Variants in GAR1 observed in about 807,000 individuals in gnomAD.
GAR1 encodes the protein GAR1 ribonucleoprotein.
GAR1 carries 11 observed loss-of-function variants against 29.3 expected under a neutral mutation model. That is an observed-to-expected ratio of 0.38 (90% CI 0.24 to 0.62). GAR1 has a LOEUF of 0.62. Among genes scored for constraint, GAR1 ranks in the 20% least tolerant of loss-of-function variants. The probability of loss-of-function intolerance (pLI) is 0.62; values close to 1 mark genes in which losing one functional copy is unlikely to be tolerated. For missense variants in GAR1, 237 were observed against 268.4 expected (o/e 0.88, Z 0.82); for synonymous variants, 87 against 93.3 (o/e 0.93, Z 0.39).
chr4:109,822,098 C>T (rs1479808886), intron 4 of GAR1, among the ~76,000 whole-genome samples: 1 of 138,632 alleles, frequency 7.2e-6, no homozygotes, highest in Non-Finnish European at 1.5e-5. Context: ...CACCATGGCA[C>T]ATGTGTACCT....
At chr4:109,816,481 T>G in intron 2 of GAR1, 103 bp downstream of exon 2, 1 of 1,098,662 alleles carries the variant, frequency 9.1e-7, no homozygotes, top group Non-Finnish European at 1.4e-6. Flanking sequence ...GTGTGGAGAA[T>G]GTAGCATGTA....
At chr4:109,820,676 G>C (rs1733489190) in intron 4 of GAR1, among the ~76,000 whole-genome samples, 1 of 152,124 alleles carries the variant, frequency 6.6e-6, no homozygotes, top group African/African-American at 2.4e-5. Flanking sequence ...AGGCTGCAAA[G>C]TGTTCATTGG....
chr4:109,819,034 G>T lies in GAR1; in HGVS notation c.403G>T (p.Ala135Ser). Reference protein sequence around the residue: ...FSVKLSENMKASSFKKLQKFY... With the variant: ...FSVKLSENMKSSSFKKLQKFY... ...AGTTAAGTTGTCAGAAAACATGAAG[G>T]CTTCATCCTTTAAAAAACTACAGAA... is the stretch of plus-strand genomic sequence containing the variant. Residue 135 changes from alanine (A) to serine (S), a missense_variant, in exon 4 of 7, where the codon GCT becomes TCT. Physicochemically the swap from Ala to Ser is moderately conservative, Grantham distance 99. Transcript: ENST00000226796. 6.7e-7 allele frequency: 1 copy of T among 1,501,570 alleles called. No homozygotes were observed. Among genetic ancestry groups the T allele is most frequent in the Non-Finnish European group, 9.2e-7 (1 of 1,081,192 alleles). 93.0% of individuals were successfully genotyped at this position (1,501,570 alleles called of 1,614,324 possible). A position where few individuals can be genotyped will look rare whatever the true frequency, so the allele number is the denominator to read the frequency against.
chr4:109,818,819 C>T (rs1199486088), intron 3 of GAR1, among the ~76,000 whole-genome samples, 182 bp from the exon 4 acceptor site: 1 of 151,964 alleles, frequency 6.6e-6, no homozygotes, highest in African/African-American at 2.4e-5. Flanking sequence ...TCCGCCTTGG[C>T]CCCCCGAAGT....
At chr4:109,820,849 C>T (rs946164042) in intron 4 of GAR1, among the ~76,000 whole-genome samples, 2 of 151,872 alleles carry the variant, frequency 1.3e-5, no homozygotes, top group African/African-American at 4.8e-5. Context: ...CTGCTTCTGG[C>T]GTGCCTGGAG....
At chr4:109,819,312 TTTTG>T in intron 4 of GAR1, 1 of 469,686 alleles carries the variant, frequency 2.1e-6, no homozygotes, top group Non-Finnish European at 3.8e-6. Context: ...AGTAAGAGTT[TTTTG>T]TTTATGTAAA....
chr4:109,821,280 A>C (rs1211000269), intron 4 of GAR1, among the ~76,000 whole-genome samples: 1 of 152,220 alleles, frequency 6.6e-6, no homozygotes, highest in Non-Finnish European at 1.5e-5. Flanking sequence ...AATTAATGTA[A>C]ATATAAGCCA....
At chr4:109,822,627 T>G in intron 5 of GAR1, 139 bp downstream of exon 5, 1 of 792,320 alleles carries the variant, frequency 1.3e-6, no homozygotes. Context: ...ATTGGCAGAT[T>G]GTCCATAATA....
intron 4 of GAR1, among the ~76,000 whole-genome samples, chr4:109,820,195 A>C (rs890993236): frequency 3.3e-5 from 5 of 152,214 alleles, no homozygotes; most frequent in Non-Finnish European, 7.3e-5. Context: ...AAGTAGAATC[A>C]ATAGGACTTG....
chr4:109,824,350 A>G, intron 6 of GAR1, 68 bp from the exon 7 acceptor site: 1 of 1,066,872 alleles, frequency 9.4e-7, no homozygotes, highest in Middle Eastern at 2.0e-4. Flanking sequence ...TAAACTTGAG[A>G]TTTAGGTTAT....
chr4:109,822,155 TA>T (rs59097048), intron 4 of GAR1, among the ~76,000 whole-genome samples, 191 bp from the exon 5 acceptor site: 43,000 of 99,850 alleles, frequency 0.43, 8,261 homozygotes, highest in Non-Finnish European at 0.53. Context: ...GAACTTAAGG[TA>T]AAAAAAAAAA....
At chr4:109,815,937 G>A in intron 1 of GAR1, 133 bp downstream of exon 1, 1 of 594,968 alleles carries the variant, frequency 1.7e-6, no homozygotes, top group Non-Finnish European at 3.0e-6. Flanking sequence ...TAATCATGGG[G>A]CGGCAAGGGT....
At chr4:109,822,269 C>G in intron 4 of GAR1, 78 bp from the exon 5 acceptor site, 2 of 828,056 alleles carry the variant, frequency 2.4e-6, no homozygotes, top group Non-Finnish European at 3.7e-6. Context: ...GCAGTTTTGA[C>G]TCTATCATGT....
At chr4:109,816,414 G>A (rs1733354507) in intron 2 of GAR1, 36 bp downstream of exon 2, 2 of 1,589,008 alleles carry the variant, frequency 1.3e-6, no homozygotes, top group Non-Finnish European at 1.7e-6. Context: ...ATTTGAAGGA[G>A]TAGGTGTGGG....
At chr4:109,816,974 G>C (rs1733371949) in intron 2 of GAR1, among the ~76,000 whole-genome samples, 1 of 152,172 alleles carries the variant, frequency 6.6e-6, no homozygotes, top group African/African-American at 2.4e-5. Flanking sequence ...ACCTATTTAG[G>C]GTAGTTTTAG....
intron 6 of GAR1, 74 bp downstream of exon 6, chr4:109,824,107 TAA>T (rs1733590816): frequency 3.0e-6 from 3 of 1,009,806 alleles, no homozygotes; most frequent in South Asian, 2.9e-5. Context: ...TGTTTTTACT[TAA>T]GTTTAATTTT....
intron 4 of GAR1, chr4:109,819,322 G>A: frequency 2.2e-6 from 1 of 445,032 alleles, no homozygotes; most frequent in South Asian, 2.7e-5. Flanking sequence ...TTTTGTTTAT[G>A]TAAAACTCTC....
chr4:109,815,950 T>G, intron 1 of GAR1, 146 bp downstream of exon 1: 2 of 610,640 alleles, frequency 3.3e-6, no homozygotes, highest in Admixed American at 3.0e-5. Context: ...GCAAGGGTGG[T>G]GTGTGGTCGG....
At chr4:109,820,426 T>A (rs918070437) in intron 4 of GAR1, among the ~76,000 whole-genome samples, 14 of 151,886 alleles carry the variant, frequency 9.2e-5, no homozygotes, top group African/African-American at 3.4e-4. Flanking sequence ...AGACTGGAAA[T>A]AGAATTGGGA....
Sources: allele counts gnomAD v4.1 joint callset (sites outside exome capture counted in the v4.1 genomes callset), GRCh38; gene constraint gnomAD v4.1.1; transcripts MANE v1.5; gene names NCBI Gene and HGNC (gene_info 2026-07-23, HGNC 2026-07-21).